SDK1: variants seen among roughly 807,000 people sequenced by gnomAD.
The protein encoded by SDK1 is protein sidekick-1.
A neutral mutation model predicts 245.5 loss-of-function variants in SDK1; 157 were observed. The observed-to-expected ratio is 0.64, with a 90% confidence interval of 0.56 to 0.73. The LOEUF (loss-of-function observed/expected upper bound fraction) is 0.73. Among genes scored for constraint, SDK1 ranks in the 30% least tolerant of loss-of-function variants. SDK1 has a pLI of 0.00. For synonymous variants in SDK1, 1,647 were observed against 1,278.5 expected, an observed-to-expected ratio of 1.29 and a Z score of -6.15; for missense variants, 3,583 against 3,002.3, an observed-to-expected ratio of 1.19 and a Z score of -4.52.
At chr7:3,821,283 C>T (rs1221025571) in intron 4 of SDK1, among the ~76,000 whole-genome samples, 167 bp from the exon 5 acceptor site, 1 of 152,200 alleles carries the variant, frequency 6.6e-6, no homozygotes, top group African/African-American at 2.4e-5. Flanking sequence ...AAGAGGCTCT[C>T]TCTGGCGTTG....
At chr7:3,837,782 C>CTA (rs10630621) in intron 5 of SDK1, among the ~76,000 whole-genome samples, 53,904 of 152,070 alleles carry the variant, frequency 0.35, 12,555 homozygotes, top group African/African-American at 0.66. Flanking sequence ...TTAATTTAAA[C>CTA]TTTTTTATTT....
At chr7:3,453,635 C>T (rs1360577007) in intron 1 of SDK1, among the ~76,000 whole-genome samples, 1 of 152,186 alleles carries the variant, frequency 6.6e-6, no homozygotes, top group East Asian at 1.9e-4. Context: ...GCAGATTTCC[C>T]CTTAGAGCCT....
chr7:4,097,420 C>T (rs983223712), intron 22 of SDK1, among the ~76,000 whole-genome samples: 9 of 152,256 alleles, frequency 5.9e-5, no homozygotes, highest in African/African-American at 2.2e-4. Flanking sequence ...GCACCCAGAA[C>T]AGGGCCTGCT....
At chr7:4,183,098 G>A (rs533867631) in intron 35 of SDK1, among the ~76,000 whole-genome samples, 69 of 152,286 alleles carry the variant, frequency 4.5e-4, no homozygotes, top group South Asian at 8.3e-4. Flanking sequence ...ATCACGGGGC[G>A]TGGAAAACGG....
chr7:3,664,137 C>G (rs1029566548), intron 4 of SDK1, among the ~76,000 whole-genome samples: 3 of 152,054 alleles, frequency 2.0e-5, no homozygotes, highest in African/African-American at 7.2e-5. Context: ...CAGTTTGCCA[C>G]TGGGAGATAT....
intron 4 of SDK1, among the ~76,000 whole-genome samples, chr7:3,650,581 A>G (rs1782982106): frequency 6.6e-6 from 1 of 152,154 alleles, no homozygotes. Flanking sequence ...GAGTGTTGAG[A>G]TCTTGTTAAA....
intron 7 of SDK1, among the ~76,000 whole-genome samples, chr7:3,956,369 G>T (rs1781261486): frequency 6.6e-6 from 1 of 152,200 alleles, no homozygotes; most frequent in South Asian, 2.1e-4. Flanking sequence ...ACCGTAGCTG[G>T]AAATGGGGAG....
intron 4 of SDK1, among the ~76,000 whole-genome samples, chr7:3,726,221 G>A (rs1183953014): frequency 1.3e-5 from 2 of 152,202 alleles, no homozygotes; most frequent in African/African-American, 4.8e-5. Flanking sequence ...ACTGCTCCAA[G>A]TAAAACAGGG....
rs34675135 is a variant in SDK1 at position 4,220,515 on chromosome 7, GTT to G, written c.5701+259_5701+260del. Among the ~76,000 whole-genome samples, 364 of 140,564 alleles carry G rather than the reference GTT, an allele frequency of 2.6e-3. 2 individuals carry two copies. The highest frequency in any genetic ancestry group is 8.7e-3 in the African/African-American group (331 of 37,844). The allele number at this position is 140,564 out of a possible 152,430, so 92.2% of individuals were successfully genotyped here. A position where few individuals can be genotyped will look rare whatever the true frequency, so the allele number is the denominator to read the frequency against. ...ATATTAAGCATGTCAAGTTTTAGTT[GTT>G]TTTTTTTTTTTTTGAGAAATCTTAA... On this transcript the variant is annotated intron_variant, in intron 39 of 44. Coordinates refer to ENST00000404826, the MANE Select transcript of SDK1 (RefSeq NM_152744.4).
intron 6 of SDK1, among the ~76,000 whole-genome samples, 194 bp from the exon 7 acceptor site, chr7:3,951,536 G>A (rs140111542): frequency 6.6e-6 from 1 of 152,350 alleles, no homozygotes; most frequent in Non-Finnish European, 1.5e-5. Flanking sequence ...TAGCCCTTGA[G>A]CAGAATGCAT....
At chr7:3,973,319 A>G (rs1728202490) in intron 12 of SDK1, among the ~76,000 whole-genome samples, 1 of 152,352 alleles carries the variant, frequency 6.6e-6, no homozygotes, top group East Asian at 1.9e-4. Flanking sequence ...TGAAGTCTTT[A>G]AAGAACTGGG....
intron 1 of SDK1, among the ~76,000 whole-genome samples, chr7:3,564,493 A>T (rs1236176859): frequency 2.0e-5 from 3 of 152,256 alleles, no homozygotes; most frequent in African/African-American, 2.4e-5. Flanking sequence ...TCAAAAAAAA[A>T]TTTATTTTAA....
chr7:3,449,986 G>C (rs964929082), intron 1 of SDK1, among the ~76,000 whole-genome samples: 1 of 152,224 alleles, frequency 6.6e-6, no homozygotes, highest in Non-Finnish European at 1.5e-5. Context: ...GGGTCGACGA[G>C]ACTTCATGGA....
At chr7:3,874,977 C>T (rs58125618) in intron 5 of SDK1, among the ~76,000 whole-genome samples, 4,261 of 152,190 alleles carry the variant, frequency 0.028, 182 homozygotes, top group African/African-American at 0.091. Flanking sequence ...CTTTAGGGTT[C>T]CTGGAGGAAA....
chr7:4,035,148 T>A (rs1788124321), intron 17 of SDK1, among the ~76,000 whole-genome samples: 2 of 151,844 alleles, frequency 1.3e-5, no homozygotes, highest in African/African-American at 4.8e-5. Context: ...CCAGCTATTT[T>A]TTTTTTTCTT....
intron 1 of SDK1, among the ~76,000 whole-genome samples, chr7:3,339,467 G>A (rs746840338): frequency 6.6e-5 from 10 of 152,020 alleles, no homozygotes; most frequent in Non-Finnish European, 1.5e-4. Context: ...CAATTTACCC[G>A]AAACAATAGA....
intron 5 of SDK1, among the ~76,000 whole-genome samples, chr7:3,903,302 G>T (rs962118400): frequency 1.8e-4 from 28 of 151,834 alleles, no homozygotes; most frequent in Non-Finnish European, 3.2e-4. Context: ...CGCCACCATG[G>T]CCGGCTAATT....
chr7:4,202,658 G>A (rs927612115), intron 35 of SDK1, among the ~76,000 whole-genome samples: 3 of 152,234 alleles, frequency 2.0e-5, no homozygotes, highest in African/African-American at 7.2e-5. Context: ...GAATGAATGA[G>A]CATCATTCTC....
intron 4 of SDK1, among the ~76,000 whole-genome samples, chr7:3,702,577 A>G (rs1257580374): frequency 2.6e-5 from 4 of 152,118 alleles, no homozygotes; most frequent in African/African-American, 7.2e-5. Context: ...CTTCTGGAAC[A>G]TTTTCTCGTA....
Sources: gnomAD v4.1 joint callset for allele counts (sites outside exome capture counted in the v4.1 genomes callset) on GRCh38, gnomAD v4.1.1 for gene constraint, MANE v1.5 for transcripts, NCBI Gene and HGNC (gene_info 2026-07-23, HGNC 2026-07-21) for gene names.